KCNH1: variants seen among roughly 807,000 people sequenced by gnomAD.
KCNH1 encodes the protein potassium voltage-gated channel subfamily H member 1.
In KCNH1, 27 loss-of-function variants were observed where a neutral mutation model predicts 69.2. That is an observed-to-expected ratio of 0.39 (90% CI 0.29 to 0.54). The LOEUF (loss-of-function observed/expected upper bound fraction) is 0.54, where lower values mean the gene tolerates loss of function less well. Ranked by LOEUF, KCNH1 falls within the 20% of genes least tolerant of loss-of-function variation. The pLI is 0.68. For missense variants in KCNH1, 798 were observed against 1,261.6 expected (o/e 0.63, Z 5.57); for synonymous variants, 456 against 487.7 (o/e 0.93, Z 0.86).
At chr1:210,844,164 T>C (rs1024555703) in intron 7 of KCNH1, among the ~76,000 whole-genome samples, 5 of 152,166 alleles carry the variant, frequency 3.3e-5, no homozygotes, top group African/African-American at 1.2e-4. Flanking sequence ...AACACCTTGG[T>C]GATAAATAAG....
In KCNH1 at chr1:211,113,970, TCTCTCA is replaced by T. The variant is rs1361852763; in HGVS notation, c.80-6599_80-6594del. ...CTCTCTCTGTCTCTCTCTCTCTCTC[TCTCTCA>T]CACACACACACACACACACACACAC... On this transcript the variant is annotated intron_variant, in intron 1 of 10. Transcript: ENST00000271751. 4.6e-3 allele frequency among the ~76,000 whole-genome samples: 527 copies of T among 115,706 alleles called. 6 individuals carry two copies. Among genetic ancestry groups the T allele is most frequent in the African/African-American group, 0.016 (498 of 31,058 alleles). 75.9% of individuals were successfully genotyped at this position (115,706 alleles called of 152,430 possible).
At chr1:210,878,457 C>T (rs1254038455) in intron 7 of KCNH1, among the ~76,000 whole-genome samples, 1 of 152,040 alleles carries the variant, frequency 6.6e-6, no homozygotes, top group Non-Finnish European at 1.5e-5. Flanking sequence ...GCTCTCAGAT[C>T]ACACAATAGA....
At chr1:210,710,079 C>T (rs910176541) in intron 10 of KCNH1, among the ~76,000 whole-genome samples, 1 of 152,204 alleles carries the variant, frequency 6.6e-6, no homozygotes, top group African/African-American at 2.4e-5. Flanking sequence ...GCCCACTATA[C>T]TTCTAGGTTA....
chr1:211,048,498 G>A (rs975300911), intron 5 of KCNH1, among the ~76,000 whole-genome samples: 16 of 152,028 alleles, frequency 1.1e-4, no homozygotes, highest in Admixed American at 7.2e-4. Context: ...CATATACCAC[G>A]GAATACTACT....
At position 211,006,938 on chromosome 1, in the gene KCNH1, T is replaced by C. The variant is rs529946692; in HGVS notation, c.1032+11845A>G. 1.4e-4 allele frequency among the ~76,000 whole-genome samples: 21 copies of C among 151,878 alleles called. No individual in the cohort carries two copies. The South Asian group carries it at 1.9e-3, about 14-fold the overall frequency. On this transcript the variant is annotated intron_variant, in intron 6 of 10. Transcript: ENST00000271751. ...ACCATTTTAATAAAATATATAAACA[T>C]ATATATATGCTTTATATATGAAGAA...
intron 7 of KCNH1, among the ~76,000 whole-genome samples, chr1:210,834,145 G>A (rs1685228645): frequency 6.6e-6 from 1 of 151,952 alleles, no homozygotes; most frequent in African/African-American, 2.4e-5. Flanking sequence ...CAGGGATCTG[G>A]AACTAGAAAT....
chr1:211,123,336 G>A (rs1691721535), intron 1 of KCNH1, among the ~76,000 whole-genome samples: 1 of 152,210 alleles, frequency 6.6e-6, no homozygotes, highest in South Asian at 2.1e-4. Flanking sequence ...AGTTGAGCAG[G>A]TATCTTTGAC....
chr1:211,067,923 G>A (rs138490604), intron 5 of KCNH1, among the ~76,000 whole-genome samples: 102 of 152,296 alleles, frequency 6.7e-4, no homozygotes, highest in African/African-American at 2.3e-3. Context: ...AACCGCTCCA[G>A]GTTTAGAGGA....
chr1:210,845,106 AG>A, intron 7 of KCNH1, among the ~76,000 whole-genome samples: 1 of 152,322 alleles, frequency 6.6e-6, no homozygotes, highest in African/African-American at 2.4e-5. Flanking sequence ...AACCAAAAAA[AG>A]TCCAGGACCA....
At chr1:210,700,798 T>C (rs1186376671) in intron 10 of KCNH1, among the ~76,000 whole-genome samples, 1 of 152,194 alleles carries the variant, frequency 6.6e-6, no homozygotes, top group East Asian at 1.9e-4. Flanking sequence ...CAGGTTATAG[T>C]TTGCTAACCA....
At chr1:210,862,199 C>A (rs1466082916) in intron 7 of KCNH1, 2 of 1,239,108 alleles carry the variant, frequency 1.6e-6, no homozygotes, top group African/African-American at 3.0e-5. Context: ...GATTTGTGTG[C>A]TTCATTGAGC....
chr1:210,972,585 T>C (rs1184837756), intron 6 of KCNH1, among the ~76,000 whole-genome samples: 1 of 152,146 alleles, frequency 6.6e-6, no homozygotes, highest in Non-Finnish European at 1.5e-5. Flanking sequence ...ACAATCATTG[T>C]AAAAGGCAGT....
At position 210,682,099 on chromosome 1, in the gene KCNH1, C is replaced by G. The variant is rs180867119; in HGVS notation, c.*1182G>C. ...AGAGCTGGAAACTCACTGCTTCATT[C>G]TCTTTCCAGCTCCTGAAGAGAGTAC... On this transcript the variant is annotated 3_prime_UTR_variant, in exon 11 of 11. Coordinates refer to ENST00000271751, the MANE Select transcript of KCNH1 (RefSeq NM_172362.3). The G allele has an allele frequency of 1.1e-4, 17 of 152,352 alleles. No individual in the cohort carries two copies. Among genetic ancestry groups the G allele is most frequent in the Admixed American group, 1.0e-3 (16 of 15,304 alleles). The allele number at this position is 152,352 out of a possible 1,614,324, so 9.4% of individuals were successfully genotyped here. A position where few individuals can be genotyped will look rare whatever the true frequency, so the allele number is the denominator to read the frequency against.
chr1:210,755,463 C>T (rs990724150), intron 10 of KCNH1, among the ~76,000 whole-genome samples: 1 of 152,204 alleles, frequency 6.6e-6, no homozygotes, highest in Non-Finnish European at 1.5e-5. Flanking sequence ...TCTCAACATG[C>T]AGCATAATAG....
At position 210,986,326 on chromosome 1, in the gene KCNH1, A is replaced by G. The variant is rs1295890007; in HGVS notation, c.1032+32457T>C. On this transcript the variant is annotated intron_variant, in intron 6 of 10. Transcript: ENST00000271751. Reference sequence around the variant, plus strand: ...TATGTGTGAATTTGATCCTGTCATTATGATGTTAGCTGATTATTTTGCTCA... The same window carrying G: ...TATGTGTGAATTTGATCCTGTCATTGTGATGTTAGCTGATTATTTTGCTCA... Among the ~76,000 whole-genome samples the G allele has an allele frequency of 3.3e-5, 5 of 152,300 alleles. No homozygotes were observed. In the East Asian group the frequency reaches 5.8e-4, roughly 18 times the overall value.
intron 6 of KCNH1, among the ~76,000 whole-genome samples, chr1:210,925,815 A>G (rs1323949875): frequency 6.6e-6 from 1 of 152,170 alleles, no homozygotes; most frequent in Non-Finnish European, 1.5e-5. Context: ...AAAGGTCATA[A>G]TCTCTTGGGA....
At chr1:211,035,629 G>C (rs1689883735) in intron 5 of KCNH1, among the ~76,000 whole-genome samples, 1 of 152,128 alleles carries the variant, frequency 6.6e-6, no homozygotes, top group African/African-American at 2.4e-5. Context: ...AGTGATTCCA[G>C]TAAGATCAAG....
chr1:210,880,093 G>T (rs909054583), intron 7 of KCNH1, among the ~76,000 whole-genome samples: 10 of 152,078 alleles, frequency 6.6e-5, no homozygotes, highest in Non-Finnish European at 1.2e-4. Flanking sequence ...AATTAAAGAA[G>T]AAAATAAATA....
intron 10 of KCNH1, among the ~76,000 whole-genome samples, chr1:210,751,983 G>T (rs1683293777): frequency 6.6e-6 from 1 of 152,156 alleles, no homozygotes; most frequent in Non-Finnish European, 1.5e-5. Flanking sequence ...CAGAATCTGA[G>T]CTGGATTTTG....
Sources: allele counts gnomAD v4.1 joint callset (sites outside exome capture counted in the v4.1 genomes callset), GRCh38; gene constraint gnomAD v4.1.1; transcripts MANE v1.5; gene names NCBI Gene and HGNC (gene_info 2026-07-23, HGNC 2026-07-21).